CHP1: variants seen among roughly 807,000 people sequenced by gnomAD.
CHP1 encodes calcineurin B homologous protein 1.
Under a neutral mutation model 27.4 loss-of-function variants are expected in CHP1, and 11 were observed. That is an observed-to-expected ratio of 0.40 (90% CI 0.25 to 0.67). CHP1 has a LOEUF of 0.67. Ranked by LOEUF, CHP1 falls within the 30% of genes least tolerant of loss-of-function variation. The pLI is 0.38. For missense variants in CHP1, 169 were observed against 251.3 expected, an observed-to-expected ratio of 0.67 and a Z score of 2.22; for synonymous variants, 89 against 87.4, an observed-to-expected ratio of 1.02 and a Z score of -0.10.
chr15:41,276,240 C>CA (rs11451377), intron 5 of CHP1, among the ~76,000 whole-genome samples: 54,242 of 125,726 alleles, frequency 0.43, 11,557 homozygotes, highest in African/African-American at 0.63. Flanking sequence ...GACTCCATCT[C>CA]AAAAAAAAAA....
intron 5 of CHP1, among the ~76,000 whole-genome samples, chr15:41,276,490 G>A (rs1037837152): frequency 6.6e-6 from 1 of 152,098 alleles, no homozygotes; most frequent in Non-Finnish European, 1.5e-5. Context: ...TGTTAAAGTT[G>A]CTTATTTTGT....
chr15:41,245,877 C>T (rs964306910), intron 2 of CHP1, among the ~76,000 whole-genome samples: 1 of 152,090 alleles, frequency 6.6e-6, no homozygotes, highest in African/African-American at 2.4e-5. Flanking sequence ...GAAACCATTG[C>T]CAAATCCAGT....
chr15:41,267,532 C>T (rs181723000), intron 4 of CHP1, among the ~76,000 whole-genome samples: 1 of 151,724 alleles, frequency 6.6e-6, no homozygotes, highest in African/African-American at 2.4e-5. Context: ...TGTGGTGGCA[C>T]ATACCTGTAG....
chr15:41,264,063 A>T, intron 4 of CHP1: 2 of 540,046 alleles, frequency 3.7e-6, no homozygotes, highest in Admixed American at 3.0e-5. Context: ...TTTTCTCTTT[A>T]CTCTGCCATC....
At chr15:41,233,534 G>A (rs1250998240) in intron 1 of CHP1, among the ~76,000 whole-genome samples, 1 of 152,068 alleles carries the variant, frequency 6.6e-6, no homozygotes, top group Non-Finnish European at 1.5e-5. Context: ...CAGTGCAAAT[G>A]TATGTATTGA....
intron 2 of CHP1, among the ~76,000 whole-genome samples, chr15:41,256,224 A>C (rs1219636492): frequency 1.3e-5 from 2 of 152,186 alleles, no homozygotes; most frequent in Admixed American, 1.3e-4. Context: ...TAATGTATGT[A>C]AACAGAGCAG....
intron 2 of CHP1, among the ~76,000 whole-genome samples, chr15:41,244,956 A>T (rs1458541016): frequency 2.0e-5 from 3 of 152,052 alleles, no homozygotes; most frequent in South Asian, 2.1e-4. Context: ...CAGGTGTTGG[A>T]TGTAGCATAA....
Position 41,249,614 on chromosome 15 carries a change from A to T in CHP1, c.140+5875A>T, listed in dbSNP as rs1296796588. On this transcript the variant is annotated intron_variant, in intron 2 of 6. Coordinates refer to ENST00000334660, the MANE Select transcript of CHP1 (RefSeq NM_007236.5). ...CAGCCAACCGAGTAGCTGGGACTAC[A>T]GGTGCCCGCCACCACACCCAGCTAA... is the stretch of plus-strand genomic sequence containing the variant. 2.6e-5 allele frequency among the ~76,000 whole-genome samples: 4 copies of T among 151,812 alleles called. No individual in the cohort carries two copies. The East Asian group carries it at 5.8e-4, about 22-fold the overall frequency.
chr15:41,268,275 G>A (rs1026684070), intron 4 of CHP1, among the ~76,000 whole-genome samples: 4 of 152,024 alleles, frequency 2.6e-5, no homozygotes, highest in Non-Finnish European at 4.4e-5. Context: ...TGAGCTGAAG[G>A]CCCAGGCACA....
rs375114141 is a variant in CHP1 at position 41,260,009 on chromosome 15, C to T, written c.222-2747C>T. Among the ~76,000 whole-genome samples the T allele has an allele frequency of 4.9e-3, 743 of 152,334 alleles. 8 individuals are homozygous for T. Among genetic ancestry groups the T allele is most frequent in the African/African-American group, 0.017 (715 of 41,566 alleles). Reference sequence around the variant, plus strand: ...CCTCCCAGAGTGCTGGGATTATGGGCGTGAGCCACTGCACCCAGCCAAGGT... The same window carrying T: ...CCTCCCAGAGTGCTGGGATTATGGGTGTGAGCCACTGCACCCAGCCAAGGT... On this transcript the variant is annotated intron_variant, in intron 3 of 6. Coordinates refer to ENST00000334660, the MANE Select transcript of CHP1 (RefSeq NM_007236.5).
At chr15:41,253,863 C>G (rs1464999333) in intron 2 of CHP1, among the ~76,000 whole-genome samples, 1 of 152,034 alleles carries the variant, frequency 6.6e-6, no homozygotes, top group Admixed American at 6.6e-5. Context: ...TGGCTCCTTG[C>G]AGCCTTGACC....
chr15:41,258,040 C>T (rs2047411117), intron 3 of CHP1, among the ~76,000 whole-genome samples: 1 of 152,104 alleles, frequency 6.6e-6, no homozygotes. Context: ...GACACTTTTT[C>T]CCTCTCTCTT....
chr15:41,262,640 C>A, intron 3 of CHP1, 116 bp from the exon 4 acceptor site: 1 of 1,318,558 alleles, frequency 7.6e-7, no homozygotes, highest in East Asian at 2.3e-5. Flanking sequence ...TGGAAAGAAA[C>A]CTCATTAAAT....
chr15:41,238,723 G>A (rs1202855760), intron 1 of CHP1, among the ~76,000 whole-genome samples: 1 of 149,898 alleles, frequency 6.7e-6, no homozygotes, highest in Non-Finnish European at 1.5e-5. Flanking sequence ...GTGGTGGCAG[G>A]TACCTGTAGT....
intron 1 of CHP1, among the ~76,000 whole-genome samples, chr15:41,236,409 A>C: frequency 6.6e-6 from 1 of 151,908 alleles, no homozygotes; most frequent in East Asian, 1.9e-4. Context: ...CTACAGGCAC[A>C]TGCCACCACG....
chr15:41,280,505 A>ATTTTTTTTTT lies in CHP1; in HGVS notation c.*1134_*1143dup, dbSNP rs34921023. On this transcript the variant is annotated 3_prime_UTR_variant, in exon 7 of 7. Coordinates refer to ENST00000334660, the MANE Select transcript of CHP1 (RefSeq NM_007236.5). ...GGAAGTGCCTAATATCCCAGTCCAA[A>ATTTTTTTTTT]TTTTTTTTTTTTTTTTTTTTTTTTT... is the stretch of plus-strand genomic sequence containing the variant. The ATTTTTTTTTT allele has an allele frequency of 1.8e-5, 2 of 111,340 alleles. No homozygotes were observed. Among genetic ancestry groups the ATTTTTTTTTT allele is most frequent in the Non-Finnish European group, 1.8e-5 (1 of 56,608 alleles). The allele number at this position is 111,340 out of a possible 1,614,324, so 6.9% of individuals were successfully genotyped here.
chr15:41,234,353 C>G (rs1458590175), intron 1 of CHP1: 1 of 152,112 alleles, frequency 6.6e-6, no homozygotes, highest in African/African-American at 2.4e-5. Context: ...GAATTTGTCC[C>G]ATTTTCATCT....
chr15:41,267,185 G>A (rs181754701), intron 4 of CHP1, among the ~76,000 whole-genome samples: 7 of 152,172 alleles, frequency 4.6e-5, no homozygotes, highest in Admixed American at 3.3e-4. Flanking sequence ...GGGGGATGGT[G>A]GTGGTGATGG....
At position 41,231,310 on chromosome 15, in the gene CHP1, C is replaced by A; in HGVS notation, c.-73C>A. The stretch of plus-strand genomic sequence containing the variant: ...CTCCCTTCTTGACCCCTAGCCCTTC[C>A]TTCCCTCCCTCCTTCCCTCCTGTCG... On this transcript the variant is annotated 5_prime_UTR_variant, in exon 1 of 7. Transcript: ENST00000334660. The A allele has an allele frequency of 7.0e-7, 1 of 1,431,060 alleles. No individual in the cohort carries two copies. Among genetic ancestry groups the A allele is most frequent in the Non-Finnish European group, 9.6e-7 (1 of 1,036,700 alleles). 88.6% of individuals were successfully genotyped at this position (1,431,060 alleles called of 1,614,324 possible).
Sources: gnomAD v4.1 joint callset for allele counts (sites outside exome capture counted in the v4.1 genomes callset) on GRCh38, gnomAD v4.1.1 for gene constraint, MANE v1.5 for transcripts, NCBI Gene and HGNC (gene_info 2026-07-23, HGNC 2026-07-21) for gene names.